MGST1: variants seen among roughly 807,000 people sequenced by gnomAD.
MGST1 encodes the protein microsomal glutathione S-transferase 1.
MGST1 carries 5 observed loss-of-function variants against 8.9 expected under a neutral mutation model. The ratio of observed to expected loss-of-function variants is 0.56; its 90% CI spans 0.29 to 1.19. MGST1 has a LOEUF of 1.19. Ranked by LOEUF, MGST1 falls within the 50% of genes most tolerant of loss-of-function variation. The pLI is 0.08. For synonymous variants in MGST1, 54 were observed against 67.8 expected (o/e 0.80, Z 1.00); for missense variants, 182 against 187.4 (o/e 0.97, Z 0.17).
chr12:16,457,169 A>G (rs1164155062), intron 4 of MGST1, among the ~76,000 whole-genome samples: 4 of 151,952 alleles, frequency 2.6e-5, no homozygotes, highest in Non-Finnish European at 5.9e-5. Context: ...TTAACTAAAT[A>G]TTTTTACGAC....
rs550419632 is a variant in MGST1 at position 16,587,796 on chromosome 12, G to A, written n.483-1732G>A. ...TTTATCTGTCTAAAAATCTCACTGT[G>A]TCCTGAATGGGGGGTTTCAGGGGGA... is the stretch of plus-strand genomic sequence containing the variant. On this transcript the variant is annotated intron_variant and non_coding_transcript_variant, in intron 4 of 4. Coordinates refer to the MGST1 transcript ENST00000538857. This position sits in a 1 kb window ranked among gnomAD's most constrained non-coding sequence, Gnocchi z 4.3. Among the ~76,000 whole-genome samples the A allele has an allele frequency of 2.0e-5, 3 of 151,820 alleles. No individual in the cohort carries two copies. The highest frequency in any genetic ancestry group is 7.2e-5 in the African/African-American group (3 of 41,382).
At chr12:16,374,434 G>C (rs1940347908) in intron 3 of MGST1, among the ~76,000 whole-genome samples, 1 of 151,782 alleles carries the variant, frequency 6.6e-6, no homozygotes, top group African/African-American at 2.4e-5. Context: ...TCATTGCTCT[G>C]CCACACAAAC....
At chr12:16,590,007 A>G (rs1285535286), downstream of MGST1, among the ~76,000 whole-genome samples, 1 of 152,090 alleles carries the variant, frequency 6.6e-6, no homozygotes, top group Non-Finnish European at 1.5e-5. Flanking sequence ...GTACCTCCTT[A>G]TAAGATTCAA....
intron 4 of MGST1, among the ~76,000 whole-genome samples, chr12:16,581,111 A>G (rs554082545): frequency 7.9e-5 from 12 of 152,370 alleles, no homozygotes; most frequent in Non-Finnish European, 1.6e-4. Context: ...AGAGAAACAA[A>G]GGAAGTTCAT....
chr12:16,507,159 G>T (rs1941543248), intron 4 of MGST1, among the ~76,000 whole-genome samples: 1 of 152,194 alleles, frequency 6.6e-6, no homozygotes, highest in Non-Finnish European at 1.5e-5. Context: ...GATAGAGAAA[G>T]AGGTAAGGAC....
At chr12:16,580,586 A>T (rs1943129818) in intron 4 of MGST1, among the ~76,000 whole-genome samples, 1 of 152,226 alleles carries the variant, frequency 6.6e-6, no homozygotes. Flanking sequence ...TAGATTATAT[A>T]AAATTTCACT....
chr12:16,398,415 C>T (rs1477685058), intron 1 of MGST1, among the ~76,000 whole-genome samples: 1 of 152,204 alleles, frequency 6.6e-6, no homozygotes, highest in African/African-American at 2.4e-5. Context: ...GCCTCCCTTC[C>T]TCTTCTCTTT....
intron 1 of MGST1, among the ~76,000 whole-genome samples, chr12:16,387,786 G>A (rs1306799517): frequency 1.3e-4 from 20 of 152,040 alleles, no homozygotes; most frequent in Admixed American, 6.5e-4. Flanking sequence ...TTGGCCTCCT[G>A]AAGTGCTGGA....
At chr12:16,400,249 G>A (rs1369710918) in intron 1 of MGST1, 2 of 837,452 alleles carry the variant, frequency 2.4e-6, no homozygotes, top group Non-Finnish European at 4.2e-6. Flanking sequence ...AAACATGATG[G>A]CATTCTTGAG....
chr12:16,400,651 T>A (rs943440908), intron 1 of MGST1: 12 of 1,494,084 alleles, frequency 8.0e-6, no homozygotes, highest in Non-Finnish European at 1.1e-5. Context: ...CAAAAGTCGC[T>A]TCAGGGTTAG....
At chr12:16,569,813 A>G (rs1303348336) in intron 4 of MGST1, among the ~76,000 whole-genome samples, 1 of 152,198 alleles carries the variant, frequency 6.6e-6, no homozygotes, top group African/African-American at 2.4e-5. Flanking sequence ...AAAAGGGAGA[A>G]GGGAAAAAGA....
intron 1 of MGST1, among the ~76,000 whole-genome samples, chr12:16,394,570 C>G: frequency 1.5e-5 from 1 of 67,614 alleles, no homozygotes; most frequent in Non-Finnish European, 3.2e-5. Context: ...TTCTTTCTTT[C>G]TTTCTTCTCT....
chr12:16,422,495 AAC>A (rs1940847645), intron 1 of MGST1, among the ~76,000 whole-genome samples: 1 of 152,142 alleles, frequency 6.6e-6, no homozygotes, highest in Non-Finnish European at 1.5e-5. Flanking sequence ...GTCAAAAGGA[AAC>A]ACACATGATG....
intron 4 of MGST1, among the ~76,000 whole-genome samples, chr12:16,523,039 A>C (rs954709754): frequency 3.3e-5 from 5 of 152,026 alleles, no homozygotes; most frequent in Non-Finnish European, 7.4e-5. Context: ...AGTTTGAAAG[A>C]CATATGACAT....
intron 4 of MGST1, among the ~76,000 whole-genome samples, chr12:16,495,019 G>A (rs926875506): frequency 2.6e-5 from 4 of 152,096 alleles, no homozygotes; most frequent in East Asian, 1.9e-4. Context: ...TACCAAATAC[G>A]CACCAGCTGT....
chr12:16,423,713 T>C (rs986793250), intron 1 of MGST1, among the ~76,000 whole-genome samples: 4 of 152,244 alleles, frequency 2.6e-5, no homozygotes, highest in Non-Finnish European at 2.9e-5. Flanking sequence ...TTCCTCATGC[T>C]TCCTTGAATT....
chr12:16,384,930 ACT>A (rs1334673009), intron 1 of MGST1, among the ~76,000 whole-genome samples: 1 of 152,180 alleles, frequency 6.6e-6, no homozygotes, highest in African/African-American at 2.4e-5. Context: ...GTGAGGGATA[ACT>A]CTAGCTGGGG....
At chr12:16,550,630 T>C (rs1002164129) in intron 4 of MGST1, 5 of 152,364 alleles carry the variant, frequency 3.3e-5, no homozygotes, top group Non-Finnish European at 7.4e-5. Context: ...CTCTAACTCA[T>C]AGCGGCAATA....
At chr12:16,353,270 T>G (rs1487095016) in intron 1 of MGST1, 2 of 152,204 alleles carry the variant, frequency 1.3e-5, no homozygotes, top group Non-Finnish European at 2.9e-5. Context: ...CTCGACCTCG[T>G]GATCCACCCG....
Sources: allele counts gnomAD v4.1 joint callset (sites outside exome capture counted in the v4.1 genomes callset), GRCh38; gene constraint gnomAD v4.1.1; non-coding constraint Gnocchi (gnomAD v3.1); transcripts MANE v1.5; gene names NCBI Gene and HGNC (gene_info 2026-07-23, HGNC 2026-07-21).